Variants in SHROOM3 observed in about 807,000 individuals in gnomAD.
The protein encoded by SHROOM3 is shroom family member 3, also known as protein Shroom3.
Under a neutral mutation model 138.6 loss-of-function variants are expected in SHROOM3, and 47 were observed. The observed-to-expected ratio is 0.34, with a 90% CI of 0.27 to 0.43. The LOEUF is 0.43. SHROOM3 is among the 20% of genes least tolerant of loss of function. The probability of loss-of-function intolerance (pLI) is 1.00; values close to 1 mark genes in which losing one functional copy is unlikely to be tolerated. For synonymous variants in SHROOM3, 1,062 were observed against 1,063.3 expected, an observed-to-expected ratio of 1.00 and a Z score of 0.02; for missense variants, 2,491 against 2,596.5, an observed-to-expected ratio of 0.96 and a Z score of 0.88.
intron 3 of SHROOM3, among the ~76,000 whole-genome samples, chr4:76,722,005 C>T (rs1370008899): frequency 3.9e-5 from 6 of 152,052 alleles, no homozygotes; most frequent in Non-Finnish European, 7.4e-5. Flanking sequence ...CATAGGGGTA[C>T]GTGCTATAGT....
chr4:76,599,283 G>A (rs1170200759), intron 2 of SHROOM3, among the ~76,000 whole-genome samples: 2 of 152,016 alleles, frequency 1.3e-5, no homozygotes, highest in African/African-American at 4.8e-5. Context: ...TGAGACAGAC[G>A]AAAAACACCT....
chr4:76,740,713 A>C lies in SHROOM3; in HGVS notation c.2540A>C (p.His847Pro). Residue 847 changes from histidine (H) to proline (P), a missense_variant, in exon 5 of 11, where the codon CAC becomes CCC. By Grantham distance (77) the His-to-Pro change is moderately conservative. Transcript: ENST00000296043. The surrounding 1 kb of genome is among the most constrained non-coding windows in gnomAD (Gnocchi z 4.0). ...GAACCCCTAGGCAACGGGGAGCAGCACTTCAAAAACGGGGAGCTGAAGTTG... is the reference window on the plus strand; with the variant it reads ...GAACCCCTAGGCAACGGGGAGCAGCCCTTCAAAAACGGGGAGCTGAAGTTG... The part of the protein sequence containing the change: ...SAEPLGNGEQ[H>P]FKNGELKLEE... The C allele has an allele frequency of 6.2e-7, 1 of 1,613,718 alleles. No individual in the cohort carries two copies. The highest frequency in any genetic ancestry group is 8.5e-7 in the Non-Finnish European group (1 of 1,179,992).
Position 76,485,276 on chromosome 4 carries a change from A to G in SHROOM3, c.168+49056A>G, listed in dbSNP as rs542254907. ...GAAGGATTTTGAGCTCTTTTTGGCT[A>G]AAGTTGATAAGAAGGATTGGAAAGT... On this transcript the variant is annotated intron_variant, in intron 1 of 10. Transcript: ENST00000296043. Among the ~76,000 whole-genome samples the G allele has an allele frequency of 4.6e-5, 7 of 152,304 alleles. 1 individual carries two copies. The highest frequency in any genetic ancestry group is 1.7e-4 in the African/African-American group (7 of 41,572).
intron 2 of SHROOM3, among the ~76,000 whole-genome samples, chr4:76,584,045 C>A (rs536419488): frequency 6.6e-6 from 1 of 152,120 alleles, no homozygotes; most frequent in East Asian, 1.9e-4. Flanking sequence ...CTGGGTACGG[C>A]GGCTCACGCC....
intron 2 of SHROOM3, among the ~76,000 whole-genome samples, chr4:76,695,579 G>A (rs938395136): frequency 1.3e-5 from 2 of 152,178 alleles, no homozygotes; most frequent in African/African-American, 2.4e-5. Context: ...GTTCCAAATG[G>A]TACGTTGAAA....
intron 2 of SHROOM3, among the ~76,000 whole-genome samples, chr4:76,646,226 A>ATAAATATATATG: frequency 2.9e-5 from 1 of 35,022 alleles, no homozygotes; most frequent in South Asian, 1.3e-3. Flanking sequence ...TAATAAATAA[A>ATAAATATATATG]TATATATATA....
intron 1 of SHROOM3, among the ~76,000 whole-genome samples, chr4:76,517,400 G>A (rs967567934): frequency 1.3e-5 from 2 of 152,108 alleles, no homozygotes; most frequent in Non-Finnish European, 2.9e-5. Context: ...CAAGTACAGG[G>A]CATCCCAAAT....
At chr4:76,727,607 C>T (rs565103911) in intron 3 of SHROOM3, among the ~76,000 whole-genome samples, 3 of 152,222 alleles carry the variant, frequency 2.0e-5, no homozygotes, top group South Asian at 2.1e-4. Context: ...AAGGTTGATT[C>T]GGCCGGGCAC....
chr4:76,510,652 T>C (rs1398263298), intron 1 of SHROOM3, among the ~76,000 whole-genome samples: 1 of 152,190 alleles, frequency 6.6e-6, no homozygotes, highest in Non-Finnish European at 1.5e-5. Context: ...ATGTTTCCAC[T>C]GAATGAGACA....
chr4:76,596,276 G>C (rs1218917758), intron 2 of SHROOM3, among the ~76,000 whole-genome samples: 4 of 152,168 alleles, frequency 2.6e-5, no homozygotes, highest in Admixed American at 2.0e-4. Context: ...GCCAGGTGTG[G>C]TGGCTTGTGC....
At chr4:76,619,629 A>C (rs1302814915) in intron 2 of SHROOM3, among the ~76,000 whole-genome samples, 3 of 152,198 alleles carry the variant, frequency 2.0e-5, no homozygotes, top group African/African-American at 7.2e-5. Flanking sequence ...CTTACTATCT[A>C]ATGAGAGGCG....
At chr4:76,561,865 T>G (rs948079769) in intron 2 of SHROOM3, among the ~76,000 whole-genome samples, 3 of 151,594 alleles carry the variant, frequency 2.0e-5, no homozygotes, top group East Asian at 2.0e-4. Flanking sequence ...CAAAAAATTG[T>G]CCAGGAGAGG....
intron 5 of SHROOM3, among the ~76,000 whole-genome samples, chr4:76,744,437 G>A (rs905588635): frequency 6.6e-6 from 1 of 152,204 alleles, no homozygotes; most frequent in African/African-American, 2.4e-5. Flanking sequence ...CTCCTGCACA[G>A]CAGCCAGACC....
At chr4:76,442,889 G>A (rs1730724663) in intron 1 of SHROOM3, among the ~76,000 whole-genome samples, 2 of 152,052 alleles carry the variant, frequency 1.3e-5, no homozygotes, top group Non-Finnish European at 2.9e-5. Context: ...AAATGAAAAT[G>A]TGAATGAATA....
rs139891382 is a variant in SHROOM3, at chr4:76,491,886, A to C, written c.168+55666A>C. ...CTATTTTGGATATTAATTTTGGAAA[A>C]ACACCATGTGGGAAATGATCATCAC... On this transcript the variant is annotated intron_variant, in intron 1 of 10. Transcript: ENST00000296043. Among the ~76,000 whole-genome samples the C allele has an allele frequency of 4.6e-3, 695 of 152,300 alleles. 7 individuals carry two copies. Among genetic ancestry groups the C allele is most frequent in the African/African-American group, 0.016 (660 of 41,560 alleles).
rs573964808 is a variant in SHROOM3, at chr4:76,462,593, C to T, written c.168+26373C>T. The stretch of plus-strand genomic sequence containing the variant: ...CTGGATTATGGGGGTGGATTTTCCC[C>T]TTGCTGTTCTCATGATAGTGAGTGA... On this transcript the variant is annotated intron_variant, in intron 1 of 10. Coordinates refer to ENST00000296043, the MANE Select transcript of SHROOM3 (RefSeq NM_020859.4). Among the ~76,000 whole-genome samples the T allele has an allele frequency of 5.3e-5, 8 of 152,178 alleles. No individual in the cohort carries two copies. The South Asian group carries it at 1.7e-3, about 32-fold the overall frequency.
intron 2 of SHROOM3, among the ~76,000 whole-genome samples, chr4:76,684,467 T>C (rs542020313): frequency 1.3e-5 from 2 of 152,398 alleles, no homozygotes; most frequent in Admixed American, 6.5e-5. Flanking sequence ...ACAGGCTCCA[T>C]GCGCATTGTA....
At chr4:76,633,525 G>C (rs577646725) in intron 2 of SHROOM3, among the ~76,000 whole-genome samples, 2 of 151,106 alleles carry the variant, frequency 1.3e-5, no homozygotes, top group Admixed American at 1.3e-4. Flanking sequence ...GTGTGGTGGC[G>C]GGCGCCTGTA....
intron 2 of SHROOM3, among the ~76,000 whole-genome samples, chr4:76,658,270 C>T (rs983627844): frequency 6.6e-6 from 1 of 152,134 alleles, no homozygotes; most frequent in African/African-American, 2.4e-5. Context: ...TTAATGAAAT[C>T]ATTACAGAAA....
Sources: gnomAD v4.1 joint callset for allele counts (sites outside exome capture counted in the v4.1 genomes callset) on GRCh38, gnomAD v4.1.1 for gene constraint, Gnocchi (gnomAD v3.1) non-coding constraint, MANE v1.5 for transcripts, NCBI Gene and HGNC (gene_info 2026-07-23, HGNC 2026-07-21) for gene names.